The following PSG9 variants were observed in gnomAD, a reference collection of about 807,000 sequenced individuals.
The protein encoded by PSG9 is pregnancy specific beta-1-glycoprotein 9.
In PSG9, 49 loss-of-function variants were observed where a neutral mutation model predicts 41.9. The observed-to-expected ratio is 1.17, with a 90% CI of 0.93 to 1.48. PSG9 has a LOEUF of 1.48. PSG9 is among the 40% of genes most tolerant of loss of function. The probability of loss-of-function intolerance (pLI) is 0.00; values close to 1 mark genes in which losing one functional copy is unlikely to be tolerated. For synonymous variants in PSG9, 263 were observed against 196.8 expected, an observed-to-expected ratio of 1.34 and a Z score of -2.82; for missense variants, 641 against 520.3, an observed-to-expected ratio of 1.23 and a Z score of -2.26.
In PSG9 at chr19:43,269,420, G is replaced by A. The variant is rs8101210; in HGVS notation, c.12C>T (p.Leu4=). The part of the protein sequence containing the change: MGP[L]PAPSCTQRIT... The stretch of plus-strand genomic sequence containing the variant: ...TGCGCTGTGTGCAGGAAGGGGCTGG[G>A]AGGGGCCCCATGGTCTCTGCTGCCT... Residue 4 remains leucine, a synonymous_variant, in exon 1 of 6, where the codon CTC becomes CTT. Coordinates refer to ENST00000270077, the MANE Select transcript of PSG9 (RefSeq NM_002784.5). 0.083 allele frequency: 133,083 copies of A among 1,612,838 alleles called. 9,280 individuals carry two copies. Among genetic ancestry groups the A allele is most frequent in the East Asian group, 0.39 (17,511 of 44,780 alleles).
chr19:43,257,706 C>T, intron 5 of PSG9: 1 of 1,129,838 alleles, frequency 8.9e-7, no homozygotes. Flanking sequence ...GGCCAGTCAC[C>T]AGAGGAGCCC....
At chr19:43,253,707 G>T in intron 5 of PSG9, 61 bp from the exon 6 acceptor site, 1 of 1,057,880 alleles carries the variant, frequency 9.5e-7, no homozygotes, top group South Asian at 1.5e-5. Flanking sequence ...TACACAGAAA[G>T]CTTCTTTCCT....
intron 2 of PSG9, 101 bp from the exon 3 acceptor site, chr19:43,262,239 C>A (rs1968759978): frequency 1.3e-6 from 2 of 1,531,960 alleles, no homozygotes; most frequent in Admixed American, 4.1e-5. Context: ...TCAGCCCAAC[C>A]CAGTCCTTAA....
chr19:43,258,640 G>A (rs1438431414), intron 4 of PSG9, among the ~76,000 whole-genome samples, 184 bp from the exon 5 acceptor site: 5 of 146,014 alleles, frequency 3.4e-5, no homozygotes, highest in African/African-American at 5.2e-5. Flanking sequence ...CAAGCTGTGG[G>A]CCCCAAGTCT....
At position 43,258,985 on chromosome 19, in the gene PSG9, T is replaced by A. The variant is rs774266516; in HGVS notation, c.860A>T (p.Lys287Met). 12 of 1,590,534 alleles carry A rather than the reference T, an allele frequency of 7.5e-6. No homozygotes were observed. The highest frequency in any genetic ancestry group is 9.4e-6 in the Non-Finnish European group (11 of 1,174,462). ...GAGTATCCTGTTTTCAATGGGTCGC[T>A]TTACCCCGGGACTGACGGGGAGGCT... The part of the protein sequence containing the change: ...GQSLPVSPGV[K>M]RPIENRILIL... The change falls in exon 4 of 6, where the codon AAG becomes ATG. Residue 287 changes from lysine to methionine, a missense_variant. Physicochemically the swap from Lys to Met is moderately conservative, Grantham distance 95. Transcript: ENST00000270077.
At chr19:43,257,866 G>T in intron 5 of PSG9, 1 of 1,381,510 alleles carries the variant, frequency 7.2e-7, no homozygotes. Context: ...AGACGTGGCA[G>T]AAGGGGATGT....
At chr19:43,257,557 C>T in intron 5 of PSG9, 1 of 981,938 alleles carries the variant, frequency 1.0e-6, no homozygotes, top group Non-Finnish European at 1.2e-6. Context: ...CCCTGAGGCT[C>T]CCTCTCTTCT....
chr19:43,257,046 A>C (rs894030981), intron 5 of PSG9: 1 of 147,314 alleles, frequency 6.8e-6, no homozygotes, highest in Admixed American at 6.8e-5. Context: ...CCAATACATC[A>C]TGCAAAATGG....
At chr19:43,257,577 G>C in intron 5 of PSG9, 1 of 983,662 alleles carries the variant, frequency 1.0e-6, no homozygotes, top group Non-Finnish European at 1.2e-6. Context: ...TTATTTCCCT[G>C]CAGCCTGGCC....
chr19:43,268,938 C>A (rs1213081190), intron 1 of PSG9, among the ~76,000 whole-genome samples: 2 of 152,146 alleles, frequency 1.3e-5, no homozygotes, highest in African/African-American at 4.8e-5. Flanking sequence ...TGTGACTTTC[C>A]TCTTTTGACC....
chr19:43,255,848 T>G (rs113670231), intron 5 of PSG9, among the ~76,000 whole-genome samples: 8,812 of 146,240 alleles, frequency 0.06, 1,652 homozygotes, highest in African/African-American at 0.19. Flanking sequence ...CTGAAAGAAA[T>G]GAAAGATGAC....
Position 43,261,711 on chromosome 19 carries a change from G to A in PSG9, c.709+149C>T. 4 of 1,586,902 alleles carry A rather than the reference G, an allele frequency of 2.5e-6. No individual in the cohort carries two copies. In the African/African-American group the frequency reaches 4.0e-5, roughly 16 times the overall value. On this transcript the variant is annotated intron_variant, in intron 3 of 5. Coordinates refer to ENST00000270077, the MANE Select transcript of PSG9 (RefSeq NM_002784.5). ...GTTGATCAAGCCTAGGCCTACTCTGGTTTGCTTGGGGCAGAAAGTCATGGC... is the reference window on the plus strand; with the variant it reads ...GTTGATCAAGCCTAGGCCTACTCTGATTTGCTTGGGGCAGAAAGTCATGGC...
At position 43,254,215 on chromosome 19, in the gene PSG9, C is replaced by G. The variant is rs549739666; in HGVS notation, c.1244-569G>C. On this transcript the variant is annotated intron_variant, in intron 5 of 5. Coordinates refer to ENST00000270077, the MANE Select transcript of PSG9 (RefSeq NM_002784.5). ...TTTAAGCCACACAATAACCCTGTCACATAGACATTATTTCCATTTTGCCGA... is the reference window on the plus strand; with the variant it reads ...TTTAAGCCACACAATAACCCTGTCAGATAGACATTATTTCCATTTTGCCGA... Among the ~76,000 whole-genome samples, 792 of 146,414 alleles carry G rather than the reference C, an allele frequency of 5.4e-3. 119 individuals are homozygous for G. The highest frequency in any genetic ancestry group is 0.02 in the African/African-American group (774 of 38,528).
chr19:43,257,879 C>T (rs3206993), intron 5 of PSG9: 18 of 1,392,416 alleles, frequency 1.3e-5, no homozygotes, highest in South Asian at 3.7e-5. Context: ...GGGGATGTGT[C>T]GGTGACAGCG....
chr19:43,267,304 C>T (rs1802588700), intron 2 of PSG9, among the ~76,000 whole-genome samples: 1 of 152,142 alleles, frequency 6.6e-6, no homozygotes, highest in Non-Finnish European at 1.5e-5. Context: ...AATTCTTGGT[C>T]CCAGTAAGGC....
At chr19:43,255,984 C>G (rs547946192) in intron 5 of PSG9, among the ~76,000 whole-genome samples, 2 of 146,264 alleles carry the variant, frequency 1.4e-5, no homozygotes, top group East Asian at 4.7e-4. Context: ...GGCATTTTTG[C>G]AGAAAAAGAA....
chr19:43,266,725 G>A (rs1046625850), intron 2 of PSG9, among the ~76,000 whole-genome samples: 1 of 152,114 alleles, frequency 6.6e-6, no homozygotes, highest in African/African-American at 2.4e-5. Flanking sequence ...GCCAATAAAT[G>A]ACTATGGGGT....
intron 5 of PSG9, chr19:43,257,300 C>T (rs1425648330): frequency 2.3e-6 from 2 of 861,064 alleles, no homozygotes; most frequent in African/African-American, 2.0e-5. Context: ...CACTAAATTG[C>T]ACACATAGAA....
At chr19:43,262,284 T>C in intron 2 of PSG9, 146 bp from the exon 3 acceptor site, 2 of 1,457,662 alleles carry the variant, frequency 1.4e-6, no homozygotes, top group South Asian at 2.8e-5. Context: ...ACAAGACAGA[T>C]GCATGGCAAT....
Sources: allele counts gnomAD v4.1 joint callset (sites outside exome capture counted in the v4.1 genomes callset), GRCh38; gene constraint gnomAD v4.1.1; transcripts MANE v1.5; gene names NCBI Gene and HGNC (gene_info 2026-07-23, HGNC 2026-07-21).